BEND7: variants seen among roughly 807,000 people sequenced by gnomAD.
BEND7 encodes the protein BEN domain-containing protein 7.
In BEND7, 28 loss-of-function variants were observed where a neutral mutation model predicts 50.9. The ratio of observed to expected loss-of-function variants is 0.55; its 90% CI spans 0.41 to 0.75. The LOEUF is 0.75. Ranked by LOEUF, BEND7 falls within the 30% of genes least tolerant of loss-of-function variation. The pLI is 0.00. For synonymous variants in BEND7, 170 were observed against 183.9 expected, an observed-to-expected ratio of 0.92 and a Z score of 0.61; for missense variants, 477 against 491.3, an observed-to-expected ratio of 0.97 and a Z score of 0.28.
Position 13,528,977 on chromosome 10 carries a change from C to A in BEND7, c.-444G>T, listed in dbSNP as rs1564433821. ...GTCGCGGCGGCGGCGGCGGCGGCCC[C>A]GAAGACGCGGCGGGCGGGCTGCGGG... On this transcript the variant is annotated 5_prime_UTR_variant, in exon 1 of 9. Coordinates refer to ENST00000466271, the MANE Select transcript of BEND7 (RefSeq NM_001369863.1). 1 of 144,210 alleles carries A rather than the reference C, an allele frequency of 6.9e-6. No individual in the cohort carries two copies. Among genetic ancestry groups the A allele is most frequent in the South Asian group, 1.8e-4 (1 of 5,414 alleles). The allele number at this position is 144,210 out of a possible 1,614,324, so 8.9% of individuals were successfully genotyped here.
intron 6 of BEND7, among the ~76,000 whole-genome samples, chr10:13,458,163 GCTAGC>G (rs1839434718): frequency 6.6e-6 from 1 of 152,226 alleles, no homozygotes; most frequent in African/African-American, 2.4e-5. Context: ...TTTCCCAGAT[GCTAGC>G]ATTCATTTGA....
At chr10:13,500,634 T>G (rs1330874656) in intron 2 of BEND7, 5 of 986,172 alleles carry the variant, frequency 5.1e-6, no homozygotes, top group Non-Finnish European at 6.0e-6. Flanking sequence ...GCTTCACTGC[T>G]GACACAATGT....
intron 3 of BEND7, 111 bp from the exon 4 acceptor site, chr10:13,496,999 G>C: frequency 7.6e-7 from 1 of 1,311,274 alleles, no homozygotes; most frequent in South Asian, 1.6e-5. Context: ...TTTGAAGCAT[G>C]TGCAATTATG....
intron 6 of BEND7, among the ~76,000 whole-genome samples, chr10:13,456,892 A>C (rs1446046871): frequency 2.6e-5 from 4 of 152,240 alleles, no homozygotes; most frequent in African/African-American, 9.6e-5. Context: ...AATAGGATCT[A>C]TTTAAAGAAG....
intron 5 of BEND7, among the ~76,000 whole-genome samples, chr10:13,490,204 A>G (rs1305885558): frequency 6.6e-6 from 1 of 152,232 alleles, no homozygotes; most frequent in African/African-American, 2.4e-5. Flanking sequence ...AGGGAACTCT[A>G]TACACTGTAA....
chr10:13,525,579 T>C (rs1243997894), intron 2 of BEND7, among the ~76,000 whole-genome samples: 1 of 152,208 alleles, frequency 6.6e-6, no homozygotes, highest in Non-Finnish European at 1.5e-5. Flanking sequence ...CAAGAGCTGG[T>C]TAGGCAGACA....
chr10:13,500,055 C>CT lies in BEND7; in HGVS notation c.170dup (p.Gln58AlafsTer47). On this transcript the variant is annotated frameshift_variant, in exon 3 of 9. Coordinates refer to ENST00000466271, the MANE Select transcript of BEND7 (RefSeq NM_001369863.1). LOFTEE classifies it high-confidence loss of function. ...GCAATCTTCTCATCCCTGTAATTTG[C>CT]TTTTTTATTTCCATGCTTTCATCTC... 6.3e-7 allele frequency: 1 copy of CT among 1,596,406 alleles called. No homozygotes were observed. The highest frequency in any genetic ancestry group is 1.1e-5 in the South Asian group (1 of 90,268).
At chr10:13,449,885 A>G (rs1297960647) in intron 7 of BEND7, among the ~76,000 whole-genome samples, 1 of 152,266 alleles carries the variant, frequency 6.6e-6, no homozygotes, top group Non-Finnish European at 1.5e-5. Flanking sequence ...AAATTTAATT[A>G]TAACATCTAT....
At chr10:13,446,668 C>CA (rs1836387358) in intron 8 of BEND7, 1 of 154,832 alleles carries the variant, frequency 6.5e-6, no homozygotes, top group Middle Eastern at 3.2e-3. Flanking sequence ...ACTTGAGAGT[C>CA]AAATAACATG....
At chr10:13,483,736 C>G (rs927032306) in intron 5 of BEND7, among the ~76,000 whole-genome samples, 1 of 152,146 alleles carries the variant, frequency 6.6e-6, no homozygotes, top group Non-Finnish European at 1.5e-5. Flanking sequence ...TGCACAAATA[C>G]CTATCCTATA....
chr10:13,454,238 C>T (rs546952131), intron 6 of BEND7, among the ~76,000 whole-genome samples: 80 of 152,276 alleles, frequency 5.3e-4, no homozygotes, highest in African/African-American at 1.8e-3. Flanking sequence ...GTTTGTGGAG[C>T]ACCCACATGG....
In BEND7 at chr10:13,528,569, GGCGGCAGCGGCGGCAGCGGCA is replaced by G; in HGVS notation, c.-57_-37del. 2 of 708,394 alleles carry G rather than the reference GGCGGCAGCGGCGGCAGCGGCA, an allele frequency of 2.8e-6. No individual in the cohort carries two copies. Among genetic ancestry groups the G allele is most frequent in the South Asian group, 6.0e-5 (1 of 16,562 alleles). 43.9% of individuals were successfully genotyped at this position (708,394 alleles called of 1,614,324 possible). Reference sequence around the variant, plus strand: ...AGGCGGCGGCGGGGGCTGAGGAGGCGGCGGCAGCGGCGGCAGCGGCAGCGGCGGCAGCGGCAGCGGCGGCGC... The same window carrying G: ...AGGCGGCGGCGGGGGCTGAGGAGGCGGCGGCGGCAGCGGCAGCGGCGGCGC... On this transcript the variant is annotated 5_prime_UTR_variant, in exon 1 of 9. Coordinates refer to ENST00000466271, the MANE Select transcript of BEND7 (RefSeq NM_001369863.1).
chr10:13,506,927 G>T (rs906065421), intron 2 of BEND7, among the ~76,000 whole-genome samples: 3 of 152,166 alleles, frequency 2.0e-5, no homozygotes. Context: ...GGAAAAACAT[G>T]CATGCAAGGG....
chr10:13,450,772 G>A (rs1027136153), intron 7 of BEND7, among the ~76,000 whole-genome samples: 1 of 152,048 alleles, frequency 6.6e-6, no homozygotes, highest in South Asian at 2.1e-4. Flanking sequence ...GGGACTCCTC[G>A]AGGAGGGGAG....
intron 2 of BEND7, among the ~76,000 whole-genome samples, chr10:13,525,064 G>A (rs1290555579): frequency 6.6e-6 from 1 of 152,136 alleles, no homozygotes. Flanking sequence ...CCCCTTGATG[G>A]GGTAATTGTG....
At chr10:13,501,989 C>T (rs1428302286) in intron 2 of BEND7, among the ~76,000 whole-genome samples, 1 of 150,934 alleles carries the variant, frequency 6.6e-6, no homozygotes, top group African/African-American at 2.4e-5. Flanking sequence ...CCTACAAATA[C>T]ACACAGCACA....
At chr10:13,446,626 T>TACAC (rs1284472603) in intron 8 of BEND7, 1 of 153,580 alleles carries the variant, frequency 6.5e-6, no homozygotes, top group Non-Finnish European at 1.4e-5. Context: ...TATGAACCCA[T>TACAC]ACACAGGTAG....
At chr10:13,457,883 G>A (rs1231512838) in intron 6 of BEND7, among the ~76,000 whole-genome samples, 1 of 152,174 alleles carries the variant, frequency 6.6e-6, no homozygotes, top group Admixed American at 6.5e-5. Context: ...AATCATAGTC[G>A]AATCATTTGC....
intron 2 of BEND7, among the ~76,000 whole-genome samples, chr10:13,519,255 G>C (rs375977233): frequency 6.9e-6 from 1 of 145,680 alleles, no homozygotes; most frequent in Non-Finnish European, 1.5e-5. Flanking sequence ...GGTGGATCAC[G>C]AGGTCAGGAG....
Sources: gnomAD v4.1 joint callset for allele counts (sites outside exome capture counted in the v4.1 genomes callset) on GRCh38, gnomAD v4.1.1 for gene constraint, MANE v1.5 for transcripts, NCBI Gene and HGNC (gene_info 2026-07-23, HGNC 2026-07-21) for gene names.